ST7: variants seen among roughly 807,000 people sequenced by gnomAD.
The protein encoded by ST7 is suppressor of tumorigenicity 7 protein.
Under a neutral mutation model 78.7 loss-of-function variants are expected in ST7, and 28 were observed. The ratio of observed to expected loss-of-function variants is 0.36; its 90% CI spans 0.26 to 0.49. The LOEUF (loss-of-function observed/expected upper bound fraction) is 0.49, where lower values mean the gene tolerates loss of function less well. ST7 is among the 20% of genes least tolerant of loss of function. The pLI is 0.99. For synonymous variants in ST7, 247 were observed against 249.6 expected (o/e 0.99, Z 0.10); for missense variants, 418 against 696.0 (o/e 0.60, Z 4.49).
At position 117,229,947 on chromosome 7, in the gene ST7, GA is replaced by G; in HGVS notation, c.*95del. 2 of 1,134,828 alleles carry G rather than the reference GA, an allele frequency of 1.8e-6. No homozygotes were observed. The highest frequency in any genetic ancestry group is 2.7e-6 in the Non-Finnish European group (2 of 742,338). The allele number at this position is 1,134,828 out of a possible 1,614,324, so 70.3% of individuals were successfully genotyped here. On this transcript the variant is annotated 3_prime_UTR_variant, in exon 16 of 16. Transcript: ENST00000323984. ...GTGGACCGCAAGAAAGCATGACTTT[GA>G]AAAAGGGAAGCCATTCCGAGATTTT...
intron 6 of ST7, among the ~76,000 whole-genome samples, 170 bp downstream of exon 6, chr7:117,132,130 A>T (rs1804410162): frequency 6.6e-6 from 1 of 151,768 alleles, no homozygotes; most frequent in South Asian, 2.1e-4. Context: ...GACAGCCACC[A>T]TGTGGAGGTG....
At chr7:117,130,003 T>C (rs1005322636) in intron 4 of ST7, among the ~76,000 whole-genome samples, 156 bp downstream of exon 4, 86 of 152,022 alleles carry the variant, frequency 5.7e-4, no homozygotes, top group African/African-American at 2.1e-3. Flanking sequence ...TTTTTCTGTT[T>C]TATAAATATT....
intron 1 of ST7, among the ~76,000 whole-genome samples, chr7:117,001,453 T>C (rs1794929192): frequency 6.6e-6 from 1 of 152,178 alleles, no homozygotes; most frequent in South Asian, 2.1e-4. Flanking sequence ...TTTCACTTGA[T>C]AAATGAGCTG....
intron 9 of ST7, among the ~76,000 whole-genome samples, chr7:117,142,611 T>G (rs377154527): frequency 9.9e-5 from 15 of 152,014 alleles, no homozygotes; most frequent in African/African-American, 2.9e-4. Context: ...TGGGTGTTTT[T>G]TTTGTTTTGT....
chr7:117,102,240 C>T (rs1801616189), intron 2 of ST7, among the ~76,000 whole-genome samples: 1 of 152,186 alleles, frequency 6.6e-6, no homozygotes, highest in East Asian at 1.9e-4. Flanking sequence ...GCAGCAGCCC[C>T]ACATTGGTCT....
At chr7:117,006,647 C>T (rs1333500291) in intron 1 of ST7, among the ~76,000 whole-genome samples, 1 of 152,208 alleles carries the variant, frequency 6.6e-6, no homozygotes, top group African/African-American at 2.4e-5. Flanking sequence ...TATAGAGGCA[C>T]ACCTTGTTTT....
chr7:117,224,732 G>A (rs1408294254), intron 15 of ST7, among the ~76,000 whole-genome samples: 1 of 152,146 alleles, frequency 6.6e-6, no homozygotes, highest in African/African-American at 2.4e-5. Flanking sequence ...GTATTAGCAG[G>A]AGGTATCTGT....
At chr7:117,222,248 G>T (rs1338312499) in intron 15 of ST7, among the ~76,000 whole-genome samples, 186 bp downstream of exon 15, 1 of 152,210 alleles carries the variant, frequency 6.6e-6, no homozygotes, top group East Asian at 1.9e-4. Flanking sequence ...AGAAAGTGCA[G>T]GTTGTTACTG....
intron 1 of ST7, among the ~76,000 whole-genome samples, chr7:117,050,928 C>CAAAA (rs11302280): frequency 8.9e-6 from 1 of 112,180 alleles, no homozygotes; most frequent in African/African-American, 3.2e-5. Flanking sequence ...GACTACGTCT[C>CAAAA]AAAAAAAAAA....
intron 9 of ST7, among the ~76,000 whole-genome samples, chr7:117,151,769 G>C (rs1370256666): frequency 6.6e-6 from 1 of 152,028 alleles, no homozygotes; most frequent in Non-Finnish European, 1.5e-5. Flanking sequence ...GAGTAGAGGG[G>C]TACACTTTCC....
At chr7:117,046,940 A>G (rs114200808) in intron 1 of ST7, among the ~76,000 whole-genome samples, 2,429 of 152,282 alleles carry the variant, frequency 0.016, 56 homozygotes, top group African/African-American at 0.055. Flanking sequence ...TTCTTCATCT[A>G]TGAAATGGAG....
intron 1 of ST7, chr7:116,959,758 C>T (rs1251608480): frequency 6.6e-6 from 1 of 152,130 alleles, no homozygotes; most frequent in Non-Finnish European, 1.5e-5. Context: ...ATCTTAGTTG[C>T]CCTTAATTAT....
intron 1 of ST7, among the ~76,000 whole-genome samples, chr7:117,038,336 A>AT (rs1424513850): frequency 6.6e-6 from 1 of 152,204 alleles, no homozygotes; most frequent in Non-Finnish European, 1.5e-5. Context: ...GGTGAGAGCT[A>AT]TTTTTTAGAA....
chr7:117,122,713 G>C (rs1221988221), intron 3 of ST7, among the ~76,000 whole-genome samples: 1 of 152,120 alleles, frequency 6.6e-6, no homozygotes, highest in Admixed American at 6.5e-5. Flanking sequence ...CCCACTTCTT[G>C]ACATTTGGGC....
chr7:117,001,753 TA>T (rs1794940869), intron 1 of ST7, among the ~76,000 whole-genome samples: 1 of 151,946 alleles, frequency 6.6e-6, no homozygotes, highest in Non-Finnish European at 1.5e-5. Context: ...GGGGTATATT[TA>T]AAAAAAAGTG....
chr7:117,078,870 A>G (rs1799549045), intron 1 of ST7, among the ~76,000 whole-genome samples: 1 of 152,208 alleles, frequency 6.6e-6, no homozygotes, highest in African/African-American at 2.4e-5. Context: ...TGTGACACTG[A>G]AGGTTGGAGG....
At chr7:117,189,498 C>G (rs1232519411) in intron 11 of ST7, 105 bp downstream of exon 11, 21 of 773,906 alleles carry the variant, frequency 2.7e-5, no homozygotes, top group Non-Finnish European at 3.8e-5. Context: ...GAGACCCCTG[C>G]TTATAAGCAT....
At chr7:117,140,194 C>CTTTT (rs1260826709) in intron 9 of ST7, among the ~76,000 whole-genome samples, 2 of 152,058 alleles carry the variant, frequency 1.3e-5, no homozygotes, top group Non-Finnish European at 2.9e-5. Flanking sequence ...TTATGATTTG[C>CTTTT]TTTTTGTTTA....
chr7:117,114,634 G>A (rs3808222), intron 2 of ST7, among the ~76,000 whole-genome samples: 24,764 of 152,172 alleles, frequency 0.16, 2,600 homozygotes, highest in South Asian at 0.24. Flanking sequence ...TGGGTTTAAT[G>A]GTGTTGGTGT....
Sources: allele counts gnomAD v4.1 joint callset (sites outside exome capture counted in the v4.1 genomes callset), GRCh38; gene constraint gnomAD v4.1.1; transcripts MANE v1.5; gene names NCBI Gene and HGNC (gene_info 2026-07-23, HGNC 2026-07-21).